ANTXR2: variants seen among roughly 807,000 people sequenced by gnomAD.
The protein encoded by ANTXR2 is anthrax toxin receptor 2.
In ANTXR2, 44 loss-of-function variants were observed where a neutral mutation model predicts 73.7. That is an observed-to-expected ratio of 0.60 (90% CI 0.47 to 0.77). ANTXR2 has a LOEUF of 0.77. ANTXR2 is among the 30% of genes least tolerant of loss of function. The pLI is 0.00. For synonymous variants in ANTXR2, 217 were observed against 205.9 expected (o/e 1.05, Z -0.46); for missense variants, 604 against 592.5 (o/e 1.02, Z -0.20).
At position 79,904,405 on chromosome 4, in the gene ANTXR2, T is replaced by C. The variant is rs1578069499; in HGVS notation, c.*3024A>G. On this transcript the variant is annotated 3_prime_UTR_variant, in exon 17 of 17. Transcript: ENST00000403729. ...ATGCTGCTCCCTAGTCAATGGAGGG[T>C]CTCAAATTTTACTCTGCATCTCATT... 6.6e-6 allele frequency: 1 copy of C among 152,004 alleles called. No homozygotes were observed. Among genetic ancestry groups the C allele is most frequent in the African/African-American group, 2.4e-5 (1 of 41,396 alleles). The allele number at this position is 152,004 out of a possible 1,614,324, so 9.4% of individuals were successfully genotyped here.
At chr4:79,920,000 A>G (rs1209968246) in intron 16 of ANTXR2, among the ~76,000 whole-genome samples, 2 of 150,408 alleles carry the variant, frequency 1.3e-5, no homozygotes, top group African/African-American at 4.9e-5. Flanking sequence ...ACAGATGTAA[A>G]TATAAATTCA....
At chr4:79,965,275 T>C (rs1264160584) in intron 16 of ANTXR2, among the ~76,000 whole-genome samples, 3 of 152,216 alleles carry the variant, frequency 2.0e-5, no homozygotes, top group African/African-American at 7.2e-5. Flanking sequence ...TTTTCCTAGG[T>C]AGAAAACATG....
intron 12 of ANTXR2, among the ~76,000 whole-genome samples, chr4:79,994,488 C>T (rs1279131128): frequency 6.6e-6 from 1 of 151,998 alleles, no homozygotes; most frequent in South Asian, 2.1e-4. Flanking sequence ...CTCATTTTCA[C>T]TTCATCGTGA....
At chr4:79,959,913 A>C (rs1318206097) in intron 16 of ANTXR2, among the ~76,000 whole-genome samples, 2 of 152,350 alleles carry the variant, frequency 1.3e-5, no homozygotes, top group East Asian at 3.9e-4. Context: ...GCCTCAATCA[A>C]TGTTAGGAAG....
intron 16 of ANTXR2, among the ~76,000 whole-genome samples, chr4:79,965,462 C>T (rs967983449): frequency 1.3e-5 from 2 of 152,130 alleles, no homozygotes; most frequent in African/African-American, 4.8e-5. Flanking sequence ...CATCAAGTTC[C>T]ATCCATTTCT....
intron 12 of ANTXR2, among the ~76,000 whole-genome samples, chr4:80,005,592 G>A (rs1253946009): frequency 2.0e-5 from 3 of 152,006 alleles, no homozygotes; most frequent in African/African-American, 7.2e-5. Context: ...CAAGGTTATT[G>A]TCACACTACC....
At position 79,907,238 on chromosome 4, in the gene ANTXR2, A is replaced by C. The variant is rs1373036237; in HGVS notation, c.*191T>G. On this transcript the variant is annotated 3_prime_UTR_variant, in exon 17 of 17. Coordinates refer to ENST00000403729, the MANE Select transcript of ANTXR2 (RefSeq NM_058172.6). ...CTGAGTTTCATCACCTCCCATGTAG[A>C]TGGCAGAACAAGTGTTTAGAAATGT... is the stretch of plus-strand genomic sequence containing the variant. 1.6e-6 allele frequency: 1 copy of C among 638,734 alleles called. No individual in the cohort carries two copies. The highest frequency in any genetic ancestry group is 1.9e-5 in the African/African-American group (1 of 53,754). 39.6% of individuals were successfully genotyped at this position (638,734 alleles called of 1,614,324 possible). A position where few individuals can be genotyped will look rare whatever the true frequency, so the allele number is the denominator to read the frequency against.
At chr4:80,037,463 G>A (rs1283488909) in intron 7 of ANTXR2, among the ~76,000 whole-genome samples, 3 of 152,136 alleles carry the variant, frequency 2.0e-5, no homozygotes, top group African/African-American at 7.2e-5. Flanking sequence ...CATAGTGATT[G>A]AGGATTTTGT....
chr4:80,072,582 C>A lies in ANTXR2; in HGVS notation c.-22G>T. ...CCATCCTGCGGCCGGGGGCCTGAGA[C>A]TCCCTCCCGCTCGCAGTCCCCTAAG... On this transcript the variant is annotated 5_prime_UTR_variant, in exon 1 of 17. Transcript: ENST00000403729. The A allele has an allele frequency of 2.0e-6, 3 of 1,493,664 alleles. No individual in the cohort carries two copies. Among genetic ancestry groups the A allele is most frequent in the Non-Finnish European group, 2.7e-6 (3 of 1,123,386 alleles). 92.5% of individuals were successfully genotyped at this position (1,493,664 alleles called of 1,614,324 possible).
intron 12 of ANTXR2, among the ~76,000 whole-genome samples, chr4:80,002,174 A>G (rs1231751983): frequency 2.0e-5 from 3 of 152,214 alleles, no homozygotes; most frequent in Non-Finnish European, 4.4e-5. Flanking sequence ...ACAAGGGTAC[A>G]GTAACCAAAA....
chr4:79,989,612 C>T (rs550577857), intron 12 of ANTXR2, among the ~76,000 whole-genome samples: 10 of 152,082 alleles, frequency 6.6e-5, no homozygotes, highest in African/African-American at 2.4e-4. Flanking sequence ...GGAGAAGGGA[C>T]ACCTCCATAA....
At chr4:79,963,825 A>G (rs1210373592) in intron 16 of ANTXR2, among the ~76,000 whole-genome samples, 2 of 152,158 alleles carry the variant, frequency 1.3e-5, no homozygotes, top group African/African-American at 4.8e-5. Context: ...AAAAGTCAAC[A>G]CATTCTTGAA....
intron 16 of ANTXR2, among the ~76,000 whole-genome samples, chr4:79,955,133 C>T (rs1477211918): frequency 1.3e-5 from 2 of 152,116 alleles, no homozygotes; most frequent in African/African-American, 2.4e-5. Flanking sequence ...TAATATCACA[C>T]ATTGATCTCT....
At chr4:79,943,762 A>C (rs1173885463) in intron 16 of ANTXR2, among the ~76,000 whole-genome samples, 3 of 152,000 alleles carry the variant, frequency 2.0e-5, no homozygotes, top group African/African-American at 4.8e-5. Flanking sequence ...AAAAAATAAA[A>C]CCCCCTAAGA....
At chr4:79,963,977 C>G (rs567316748) in intron 16 of ANTXR2, among the ~76,000 whole-genome samples, 12 of 152,266 alleles carry the variant, frequency 7.9e-5, no homozygotes, top group African/African-American at 2.9e-4. Context: ...TAGTTAAAGT[C>G]AATTCAATTT....
At chr4:79,924,118 A>G (rs1431851102) in intron 16 of ANTXR2, among the ~76,000 whole-genome samples, 1 of 152,082 alleles carries the variant, frequency 6.6e-6, no homozygotes, top group Non-Finnish European at 1.5e-5. Context: ...GCCAACAGGT[A>G]GTTTTTCCAA....
chr4:79,911,524 C>T (rs1047030179), intron 16 of ANTXR2, among the ~76,000 whole-genome samples: 1 of 151,550 alleles, frequency 6.6e-6, no homozygotes, highest in Admixed American at 6.6e-5. Flanking sequence ...GAGGCTAATA[C>T]TAGTATCAGG....
chr4:80,015,635 GA>G lies in ANTXR2; in HGVS notation c.945+3262del, dbSNP rs373644857. ...GTGATTTCTCAAGGCAATAAAACCT[GA>G]AAAAAAAAATCTGCTCACATAAACT... On this transcript the variant is annotated intron_variant, in intron 11 of 16. Transcript: ENST00000403729. Among the ~76,000 whole-genome samples the G allele has an allele frequency of 6.5e-3, 961 of 147,144 alleles. 16 individuals are homozygous for G. Among genetic ancestry groups the G allele is most frequent in the African/African-American group, 0.022 (900 of 40,072 alleles).
rs114603007 is a variant in ANTXR2, at chr4:79,929,976, T to G, written c.1429-22509A>C. The stretch of plus-strand genomic sequence containing the variant: ...CTGTGACAAGTACTATTATACTGAA[T>G]TTATAGATGAGGAAACTGATGCTCA... On this transcript the variant is annotated intron_variant, in intron 16 of 16. Coordinates refer to ENST00000403729, the MANE Select transcript of ANTXR2 (RefSeq NM_058172.6). Among the ~76,000 whole-genome samples the G allele has an allele frequency of 3.6e-3, 547 of 152,290 alleles. 2 individuals carry two copies. Among genetic ancestry groups the G allele is most frequent in the African/African-American group, 0.013 (526 of 41,560 alleles).
Sources: allele counts gnomAD v4.1 joint callset (sites outside exome capture counted in the v4.1 genomes callset), GRCh38; gene constraint gnomAD v4.1.1; transcripts MANE v1.5; gene names NCBI Gene and HGNC (gene_info 2026-07-23, HGNC 2026-07-21).